Variants in NRF1 observed in about 807,000 individuals in gnomAD.
NRF1 encodes the protein nuclear respiratory factor 1, also known as alpha palindromic-binding protein.
NRF1 carries 5 observed loss-of-function variants against 58.5 expected under a neutral mutation model. The ratio of observed to expected loss-of-function variants is 0.09; its 90% CI spans 0.04 to 0.18. The LOEUF (loss-of-function observed/expected upper bound fraction) is 0.18. NRF1 is among the 10% of genes least tolerant of loss of function. NRF1 has a pLI of 1.00. For missense variants in NRF1, 288 were observed against 657.7 expected (o/e 0.44, Z 6.15); for synonymous variants, 224 against 246.7 (o/e 0.91, Z 0.86).
At chr7:129,638,636 C>T (rs1038031347) in intron 1 of NRF1, among the ~76,000 whole-genome samples, 1 of 152,048 alleles carries the variant, frequency 6.6e-6, no homozygotes, top group Non-Finnish European at 1.5e-5. Flanking sequence ...TCTTCTCTAG[C>T]CTATACTTCT....
chr7:129,695,470 G>A (rs538816743), intron 5 of NRF1, among the ~76,000 whole-genome samples: 2 of 151,964 alleles, frequency 1.3e-5, no homozygotes, highest in East Asian at 3.9e-4. Context: ...CAGCTACTCG[G>A]GAGGCTGAGG....
rs138598105 is a variant in NRF1, at chr7:129,660,583, G to A, written c.223+3009G>A. Among the ~76,000 whole-genome samples, 819 of 151,036 alleles carry A rather than the reference G, an allele frequency of 5.4e-3. 13 individuals carry two copies. Among genetic ancestry groups the A allele is most frequent in the Non-Finnish European group, 7.2e-3 (490 of 68,038 alleles). ...TGCAAGTCCGAAATCCAGCAGGGCC[G>A]TCAAATCTTAAAGCTCCAAAATGAT... On this transcript the variant is annotated intron_variant, in intron 2 of 10. Coordinates refer to ENST00000393232, the MANE Select transcript of NRF1 (RefSeq NM_005011.5).
intron 1 of NRF1, among the ~76,000 whole-genome samples, chr7:129,639,375 TTTG>T (rs1256343699): frequency 5.9e-5 from 9 of 152,168 alleles, no homozygotes; most frequent in African/African-American, 2.2e-4. Context: ...AGTTTTACAT[TTTG>T]TTGTTTCCTT....
At chr7:129,729,723 C>A (rs145764248) in intron 10 of NRF1, among the ~76,000 whole-genome samples, 1 of 152,196 alleles carries the variant, frequency 6.6e-6, no homozygotes, top group Non-Finnish European at 1.5e-5. Context: ...GGGATTGGAA[C>A]CAGATTTTTC....
chr7:129,748,135 C>T (rs796390804), intron 10 of NRF1, among the ~76,000 whole-genome samples: 20 of 151,700 alleles, frequency 1.3e-4, no homozygotes, highest in African/African-American at 3.4e-4. Context: ...ATTAGCCGGG[C>T]GTGGTGGTGC....
At chr7:129,619,396 G>GTATATATATATATATATATA (rs749333673) in intron 1 of NRF1, among the ~76,000 whole-genome samples, 3 of 47,356 alleles carry the variant, frequency 6.3e-5, no homozygotes, top group African/African-American at 1.1e-4. Context: ...TGGCATACGT[G>GTATATATATATATATATATA]TATATATATA....
chr7:129,738,091 G>A (rs1803761313), intron 10 of NRF1, among the ~76,000 whole-genome samples: 1 of 152,204 alleles, frequency 6.6e-6, no homozygotes, highest in South Asian at 2.1e-4. Context: ...AGAAAATGAA[G>A]ACACTAGAGT....
At chr7:129,723,460 T>A (rs60044067) in intron 9 of NRF1, among the ~76,000 whole-genome samples, 2,158 of 150,592 alleles carry the variant, frequency 0.014, 54 homozygotes, top group African/African-American at 0.048. Context: ...AAAAAAAAAA[T>A]TTTTTTCCCA....
chr7:129,750,905 A>C (rs73721786), intron 10 of NRF1, among the ~76,000 whole-genome samples: 3 of 152,324 alleles, frequency 2.0e-5, no homozygotes, highest in African/African-American at 4.8e-5. Context: ...ACACAAGTTA[A>C]ATCTTAGTAA....
intron 9 of NRF1, among the ~76,000 whole-genome samples, chr7:129,721,522 C>T (rs1803323010): frequency 6.6e-6 from 1 of 150,618 alleles, no homozygotes; most frequent in East Asian, 1.9e-4. Context: ...TGCTCTGTCA[C>T]CCAGGCTGGA....
chr7:129,728,072 G>A (rs560346200), intron 10 of NRF1, among the ~76,000 whole-genome samples: 8 of 152,208 alleles, frequency 5.3e-5, no homozygotes, highest in Non-Finnish European at 1.2e-4. Flanking sequence ...GGCAAGACAA[G>A]CTGCCCAAGG....
At chr7:129,692,302 C>T (rs191211244) in intron 5 of NRF1, among the ~76,000 whole-genome samples, 5 of 152,136 alleles carry the variant, frequency 3.3e-5, no homozygotes, top group Non-Finnish European at 7.3e-5. Flanking sequence ...CGTTGTAGCT[C>T]ATGCCTGTAA....
At chr7:129,736,840 G>A (rs1803726589) in intron 10 of NRF1, among the ~76,000 whole-genome samples, 1 of 152,090 alleles carries the variant, frequency 6.6e-6, no homozygotes, top group African/African-American at 2.4e-5. Flanking sequence ...GTAAAAGGAG[G>A]AGCAATGGAG....
At chr7:129,625,772 C>G (rs1227318913) in intron 1 of NRF1, among the ~76,000 whole-genome samples, 2 of 147,392 alleles carry the variant, frequency 1.4e-5, no homozygotes, top group Non-Finnish European at 3.0e-5. Context: ...AGCTCTGCCT[C>G]CCGGGTTCAC....
intron 10 of NRF1, among the ~76,000 whole-genome samples, chr7:129,750,068 G>A (rs183078374): frequency 2.0e-5 from 3 of 152,168 alleles, no homozygotes; most frequent in Admixed American, 2.0e-4. Context: ...ATGCAGCGGG[G>A]GTGAGAGGGC....
chr7:129,628,761 G>A (rs1800978381), intron 1 of NRF1, among the ~76,000 whole-genome samples: 1 of 152,170 alleles, frequency 6.6e-6, no homozygotes, highest in Non-Finnish European at 1.5e-5. Flanking sequence ...CTCAGCAGTG[G>A]TAGTTTCTTA....
chr7:129,674,555 T>G lies in NRF1; in HGVS notation c.338+3012T>G, dbSNP rs185348947. On this transcript the variant is annotated intron_variant, in intron 3 of 10. Coordinates refer to ENST00000393232, the MANE Select transcript of NRF1 (RefSeq NM_005011.5). ...GCTCAAGTGATCCTCTCACTTAGCC[T>G]CCCAAGTAGTTGGGACAATAGGTGC... is the stretch of plus-strand genomic sequence containing the variant. Among the ~76,000 whole-genome samples, 1,006 of 152,136 alleles carry G rather than the reference T, an allele frequency of 6.6e-3. 15 individuals carry two copies. Among genetic ancestry groups the G allele is most frequent in the African/African-American group, 0.023 (973 of 41,488 alleles).
intron 10 of NRF1, among the ~76,000 whole-genome samples, chr7:129,740,791 G>A (rs1431024061): frequency 1.3e-5 from 2 of 152,154 alleles, no homozygotes; most frequent in Admixed American, 1.3e-4. Flanking sequence ...ACCTGGGGTG[G>A]CCTCGGGCAT....
chr7:129,689,811 C>A (rs1462138658), intron 4 of NRF1, among the ~76,000 whole-genome samples: 1 of 152,222 alleles, frequency 6.6e-6, no homozygotes, highest in African/African-American at 2.4e-5. Context: ...ATGGGGCTCC[C>A]TTTGGCCCGG....
Sources: gnomAD v4.1 joint callset for allele counts (sites outside exome capture counted in the v4.1 genomes callset) on GRCh38, gnomAD v4.1.1 for gene constraint, MANE v1.5 for transcripts, NCBI Gene and HGNC (gene_info 2026-07-23, HGNC 2026-07-21) for gene names.